Variants in ASIC2 observed in about 807,000 individuals in gnomAD.
ASIC2 encodes the protein acid sensing ion channel subunit 2.
A neutral mutation model predicts 57.3 loss-of-function variants in ASIC2; 25 were observed. The ratio of observed to expected loss-of-function variants is 0.44; its 90% CI spans 0.32 to 0.61. ASIC2 has a LOEUF of 0.61. Among genes scored for constraint, ASIC2 ranks in the 20% least tolerant of loss-of-function variants. ASIC2 has a pLI of 0.06. For synonymous variants in ASIC2, 319 were observed against 307.5 expected, an observed-to-expected ratio of 1.04 and a Z score of -0.39; for missense variants, 641 against 738.1, an observed-to-expected ratio of 0.87 and a Z score of 1.52.
rs909476250 is a variant in ASIC2, at chr17:33,558,803, G to GT, written c.556-446737dup. On this transcript the variant is annotated intron_variant, in intron 1 of 9. Coordinates refer to the ASIC2 transcript ENST00000359872. ...TGAGGACATGATCCTTACTGTTGTT[G>GT]TTTTTTTTTTAGACGGAGTCTGGCT... Among the ~76,000 whole-genome samples the GT allele has an allele frequency of 2.8e-4, 42 of 148,476 alleles. No individual in the cohort carries two copies. In the South Asian group the frequency reaches 3.6e-3, roughly 13 times the overall value.
At chr17:34,049,952 C>T (rs904769333) in intron 1 of ASIC2, among the ~76,000 whole-genome samples, 2 of 152,156 alleles carry the variant, frequency 1.3e-5, no homozygotes, top group African/African-American at 4.8e-5. Context: ...AGAGTTGAGT[C>T]CCCAACTATT....
intron 1 of ASIC2, among the ~76,000 whole-genome samples, chr17:33,647,719 G>C (rs111568361): frequency 2.4e-4 from 36 of 152,348 alleles, no homozygotes; most frequent in Non-Finnish European, 4.1e-4. Context: ...ACAGACAGAG[G>C]ATGGGCAAAA....
At chr17:34,121,021 T>C (rs1911602321) in intron 1 of ASIC2, among the ~76,000 whole-genome samples, 1 of 152,008 alleles carries the variant, frequency 6.6e-6, no homozygotes, top group Non-Finnish European at 1.5e-5. Context: ...ATTACAGGCG[T>C]GAACCACCGT....
intron 1 of ASIC2, chr17:33,529,876 G>C (rs924484888): frequency 6.6e-6 from 1 of 152,148 alleles, no homozygotes; most frequent in East Asian, 1.9e-4. Context: ...CATTCCCTAG[G>C]CAGACAGCGG....
At chr17:33,973,502 C>T (rs1905280743) in intron 1 of ASIC2, among the ~76,000 whole-genome samples, 1 of 152,190 alleles carries the variant, frequency 6.6e-6, no homozygotes, top group South Asian at 2.1e-4. Flanking sequence ...CACTGCCCAG[C>T]AGGGCAGGGA....
chr17:33,766,370 C>T (rs1910936878), intron 1 of ASIC2, among the ~76,000 whole-genome samples: 3 of 152,208 alleles, frequency 2.0e-5, no homozygotes, highest in Admixed American at 2.0e-4. Context: ...TATAGAGGGA[C>T]TGCTGTACTC....
Position 34,111,624 on chromosome 17 carries a change from G to A in ASIC2, c.555+44354C>T, listed in dbSNP as rs116110615. On this transcript the variant is annotated intron_variant, in intron 1 of 9. Transcript: ENST00000359872. ...CTTATTGTTTTTGATGAGGAAATTAGAACAATGGCTAAGTGACTTACCTGA... is the reference window on the plus strand; with the variant it reads ...CTTATTGTTTTTGATGAGGAAATTAAAACAATGGCTAAGTGACTTACCTGA... Among the ~76,000 whole-genome samples, 1,002 of 152,220 alleles carry A rather than the reference G, an allele frequency of 6.6e-3. 10 individuals are homozygous for A. The highest frequency in any genetic ancestry group is 0.022 in the African/African-American group (929 of 41,524).
At chr17:33,205,395 A>G (rs565213615) in intron 1 of ASIC2, among the ~76,000 whole-genome samples, 1 of 152,348 alleles carries the variant, frequency 6.6e-6, no homozygotes, top group African/African-American at 2.4e-5. Flanking sequence ...GAGGACAAAA[A>G]GGTTTTCAGT....
intron 1 of ASIC2, among the ~76,000 whole-genome samples, chr17:33,949,951 C>A (rs547575489): frequency 1.3e-5 from 2 of 152,178 alleles, no homozygotes; most frequent in Non-Finnish European, 2.9e-5. Context: ...TGTCCACTTT[C>A]GAATCCTGGT....
chr17:33,089,378 GCA>G (rs2092148982), intron 2 of ASIC2, among the ~76,000 whole-genome samples: 1 of 152,178 alleles, frequency 6.6e-6, no homozygotes, highest in African/African-American at 2.4e-5. Flanking sequence ...GCTTCTAGAA[GCA>G]GGAAAAGGCA....
chr17:34,001,626 G>A (rs562930309), intron 1 of ASIC2: 2 of 152,542 alleles, frequency 1.3e-5, no homozygotes, highest in African/African-American at 4.8e-5. Context: ...TGGAGCCTGG[G>A]TTAGGCCTAA....
intron 1 of ASIC2, among the ~76,000 whole-genome samples, chr17:33,653,060 T>C (rs1323328567): frequency 3.3e-5 from 5 of 152,310 alleles, no homozygotes. Context: ...GATAATAATA[T>C]ATTTGACCCT....
intron 1 of ASIC2, among the ~76,000 whole-genome samples, chr17:33,912,294 A>G (rs774237349): frequency 2.0e-5 from 3 of 151,756 alleles, no homozygotes; most frequent in Admixed American, 6.6e-5. Context: ...GGAGTTCGAG[A>G]CCAGCCTGGC....
At chr17:33,782,210 A>T (rs1020428516) in intron 1 of ASIC2, among the ~76,000 whole-genome samples, 1 of 152,152 alleles carries the variant, frequency 6.6e-6, no homozygotes, top group Non-Finnish European at 1.5e-5. Flanking sequence ...ACTTTTGTGT[A>T]TGTCCAAAAA....
intron 1 of ASIC2, among the ~76,000 whole-genome samples, chr17:33,900,065 C>T (rs1597922268): frequency 6.6e-6 from 1 of 152,216 alleles, no homozygotes; most frequent in South Asian, 2.1e-4. Flanking sequence ...GGTGATCACA[C>T]ATTTCAAAAA....
At chr17:34,088,763 G>C (rs546709078) in intron 1 of ASIC2, among the ~76,000 whole-genome samples, 2 of 152,182 alleles carry the variant, frequency 1.3e-5, no homozygotes, top group Admixed American at 6.5e-5. Flanking sequence ...CCCCAGCCTC[G>C]CTGCAGCCTT....
At chr17:33,690,562 C>T (rs930843958) in intron 1 of ASIC2, among the ~76,000 whole-genome samples, 1 of 151,974 alleles carries the variant, frequency 6.6e-6, no homozygotes, top group Non-Finnish European at 1.5e-5. Flanking sequence ...GCTCTCAATG[C>T]CAAAAACTAG....
intron 1 of ASIC2, among the ~76,000 whole-genome samples, chr17:33,161,857 G>GTTTT (rs199823485): frequency 2.5e-4 from 24 of 94,228 alleles, no homozygotes; most frequent in Non-Finnish European, 3.5e-4. Flanking sequence ...GAATTCCTAG[G>GTTTT]TTTTTTTTTT....
At chr17:33,092,658 G>T (rs1011882568) in intron 2 of ASIC2, among the ~76,000 whole-genome samples, 3 of 152,272 alleles carry the variant, frequency 2.0e-5, no homozygotes, top group Admixed American at 6.5e-5. Flanking sequence ...CAGACAGCAA[G>T]TCAAGAGCAG....
Sources: allele counts gnomAD v4.1 joint callset (sites outside exome capture counted in the v4.1 genomes callset), GRCh38; gene constraint gnomAD v4.1.1; transcripts MANE v1.5; gene names NCBI Gene and HGNC (gene_info 2026-07-23, HGNC 2026-07-21).